Variants in PRMT5 observed in about 807,000 individuals in gnomAD.
The protein encoded by PRMT5 is protein arginine methyltransferase 5, also known as protein arginine N-methyltransferase 5.
A neutral mutation model predicts 84.0 loss-of-function variants in PRMT5; 15 were observed. The observed-to-expected ratio is 0.18, with a 90% CI of 0.12 to 0.28. PRMT5 has a LOEUF of 0.28. PRMT5 is among the 10% of genes least tolerant of loss of function. PRMT5 has a pLI of 1.00. For synonymous variants in PRMT5, 276 were observed against 292.4 expected (o/e 0.94, Z 0.57); for missense variants, 486 against 808.0 (o/e 0.60, Z 4.83).
At position 22,928,395 on chromosome 14, in the gene PRMT5, A is replaced by G; in HGVS notation, c.229+102T>C. 1.7e-6 allele frequency: 2 copies of G among 1,195,808 alleles called. No individual in the cohort carries two copies. The highest frequency in any genetic ancestry group is 1.2e-6 in the Non-Finnish European group (1 of 807,066). The allele number at this position is 1,195,808 out of a possible 1,614,324, so 74.1% of individuals were successfully genotyped here. A position where few individuals can be genotyped will look rare whatever the true frequency, so the allele number is the denominator to read the frequency against. On this transcript the variant is annotated intron_variant, in intron 2 of 16. Transcript: ENST00000324366. The surrounding 1 kb of genome is among the most constrained non-coding windows in gnomAD (Gnocchi z 4.8). ...ACAAGTTATCTATATCCCAGGGACT[A>G]ACAAATATATCCAAGTCAGAAAAGG...
chr14:22,922,490 C>G lies in PRMT5; in HGVS notation c.1649G>C (p.Gly550Ala), dbSNP rs764271434. 1 of 1,614,140 alleles carries G rather than the reference C, an allele frequency of 6.2e-7. No individual in the cohort carries two copies. The highest frequency in any genetic ancestry group is 1.7e-5 in the Admixed American group (1 of 60,020). ...CACAGTCTCAAAGTAGCCGGCAAAGCCATGTAGTACTGTGTTCACCTCCAC... is the reference window on the plus strand; with the variant it reads ...CACAGTCTCAAAGTAGCCGGCAAAGGCATGTAGTACTGTGTTCACCTCCAC... ...FPVEVNTVLH[G>A]FAGYFETVLY... The change falls in exon 15 of 17, where the codon GGC becomes GCC. Residue 550 changes from glycine (G) to alanine (A), a missense_variant. Transcript: ENST00000324366.
Position 22,928,283 on chromosome 14 carries a change from T to G in PRMT5, c.230-72A>C, listed in dbSNP as rs1031408216. The G allele has an allele frequency of 6.5e-7, 1 of 1,534,334 alleles. No homozygotes were observed. The highest frequency in any genetic ancestry group is 1.7e-5 in the Admixed American group (1 of 58,098). ...ACTTTACTTGTTCAATTTTTAGTTTTGGGAATCAAGAGTAGAAATGAGAGA... is the reference window on the plus strand; with the variant it reads ...ACTTTACTTGTTCAATTTTTAGTTTGGGGAATCAAGAGTAGAAATGAGAGA... On this transcript the variant is annotated intron_variant, in intron 2 of 16. Transcript: ENST00000324366. This position sits in a 1 kb window ranked among gnomAD's most constrained non-coding sequence, Gnocchi z 4.8.
At chr14:22,921,711 C>T (rs576120197) in intron 16 of PRMT5, among the ~76,000 whole-genome samples, 4 of 151,974 alleles carry the variant, frequency 2.6e-5, no homozygotes, top group African/African-American at 4.8e-5. Context: ...GGTAAAACCC[C>T]GTCTCTACTA....
In PRMT5 at chr14:22,929,331, C is replaced by A; in HGVS notation, c.31G>T (p.Gly11Trp). ...TCCCTCCCGCTGGACACGCGGCTCCCACCAGCACCCCCGACCGCCATCGCC... is the reference window on the plus strand; with the variant it reads ...TCCCTCCCGCTGGACACGCGGCTCCAACCAGCACCCCCGACCGCCATCGCC... MAAMAVGGAG[G>W]SRVSSGRDLN... is the part of the protein sequence containing the mutation. Residue 11 changes from glycine to tryptophan, a missense_variant, in exon 1 of 17, where the codon GGG becomes TGG. Gly to Trp is a radical substitution (Grantham distance 184). Around this residue, in one of 4 missense-constraint regions of PRMT5, gnomAD observed 51 missense variants for 53.8 expected, o/e 0.95. Transcript: ENST00000324366. The A allele has an allele frequency of 6.2e-7, 1 of 1,611,740 alleles. No individual in the cohort carries two copies.
In PRMT5 at chr14:22,926,802, C is replaced by T; in HGVS notation, c.463G>A (p.Val155Ile). ...GHHSSMFWMR[V>I]PLVAPEDLRD... is the part of the protein sequence containing the mutation. ...AGGTCCTCTGGTGCCACCAAGGGTA[C>T]CCGCATCCAGAACTGCACATGAACA... Residue 155 changes from valine (V) to isoleucine (I), a missense_variant, in exon 5 of 17, where the codon GTA becomes ATA. This residue lies in a region of PRMT5 where 215 missense variants were observed against 301.1 expected (regional missense o/e 0.71). Transcript: ENST00000324366. 1 of 1,613,170 alleles carries T rather than the reference C, an allele frequency of 6.2e-7. No individual in the cohort carries two copies. The highest frequency in any genetic ancestry group is 8.5e-7 in the Non-Finnish European group (1 of 1,179,136).
chr14:22,926,369 C>A, intron 6 of PRMT5, 73 bp from the exon 7 acceptor site: 3 of 1,596,090 alleles, frequency 1.9e-6, no homozygotes, highest in Non-Finnish European at 2.6e-6. Flanking sequence ...TGCGCAAAAT[C>A]TGTTTACTTC....
At chr14:22,925,141 C>T (rs2044388802) in intron 7 of PRMT5, 101 bp from the exon 8 acceptor site, 3 of 1,141,294 alleles carry the variant, frequency 2.6e-6, no homozygotes, top group East Asian at 5.1e-5. Flanking sequence ...AGGCCCAGAT[C>T]AACAGTTCTC....
rs377749833 is a variant in PRMT5, at chr14:22,924,070, C to T, written c.1313G>A (p.Gly438Asp). 1 of 1,612,130 alleles carries T rather than the reference C, an allele frequency of 6.2e-7. No homozygotes were observed. The highest frequency in any genetic ancestry group is 8.5e-7 in the Non-Finnish European group (1 of 1,179,074). Residue 438 changes from glycine to aspartate, a missense_variant, in exon 12 of 17, where the codon GGC (glycine) becomes GAC (aspartate). Coordinates refer to ENST00000324366, the MANE Select transcript of PRMT5 (RefSeq NM_006109.5). This position sits in a 1 kb window ranked among gnomAD's most constrained non-coding sequence, Gnocchi z 6.5. ...KADIIVSELL[G>D]SFADNELSPE... ...CGACAATTCATTGTCAGCAAATGAG[C>T]CCAGAAGCTCACTGACAATGATGTC...
In PRMT5 at chr14:22,922,234, C is replaced by T. The variant is rs2044316019; in HGVS notation, c.1703G>A (p.Arg568His). Residue 568 changes from arginine to histidine, a missense_variant, in exon 16 of 17, where the codon CGT (arginine) becomes CAT (histidine). Physicochemically the swap from Arg to His is conservative, Grantham distance 29. Around this residue, in one of 4 missense-constraint regions of PRMT5, gnomAD observed 219 missense variants for 433.6 expected, o/e 0.51. Transcript: ENST00000324366. ...CATCCCAGGAGAGTGAGTCTCTGGA[C>T]GGATACCTGTGTGGACAAAATAATG... ...VLYQDITLSI[R>H]PETHSPGMFS... The T allele has an allele frequency of 3.8e-6, 6 of 1,596,372 alleles. No homozygotes were observed. Among genetic ancestry groups the T allele is most frequent in the Non-Finnish European group, 4.3e-6 (5 of 1,163,860 alleles).
chr14:22,928,459 G>T lies in PRMT5; in HGVS notation c.229+38C>A. 2.7e-6 allele frequency: 4 copies of T among 1,503,504 alleles called. No homozygotes were observed. The highest frequency in any genetic ancestry group is 3.7e-6 in the Non-Finnish European group (4 of 1,079,776). The allele number at this position is 1,503,504 out of a possible 1,614,324, so 93.1% of individuals were successfully genotyped here. A position where few individuals can be genotyped will look rare whatever the true frequency, so the allele number is the denominator to read the frequency against. The stretch of plus-strand genomic sequence containing the variant: ...CCCCGATAAAGCAGAAGTTGTTATT[G>T]CCTCTAATAATTAAGGGGCATATGG... On this transcript the variant is annotated intron_variant, in intron 2 of 16. Transcript: ENST00000324366. This position sits in a 1 kb window ranked among gnomAD's most constrained non-coding sequence, Gnocchi z 4.8.
chr14:22,923,974 A>C lies in PRMT5; in HGVS notation c.1375+34T>G. 6.6e-7 allele frequency: 1 copy of C among 1,525,000 alleles called. No homozygotes were observed. Among genetic ancestry groups the C allele is most frequent in the Non-Finnish European group, 8.8e-7 (1 of 1,139,590 alleles). The allele number at this position is 1,525,000 out of a possible 1,614,324, so 94.5% of individuals were successfully genotyped here. A position where few individuals can be genotyped will look rare whatever the true frequency, so the allele number is the denominator to read the frequency against. ...CTCCCAGGTTGCTGTCTCACCCATC[A>C]TCACCCTCCACCTACACCCCAACCT... is the stretch of plus-strand genomic sequence containing the variant. On this transcript the variant is annotated intron_variant, in intron 12 of 16. Coordinates refer to ENST00000324366, the MANE Select transcript of PRMT5 (RefSeq NM_006109.5). This position sits in a 1 kb window ranked among gnomAD's most constrained non-coding sequence, Gnocchi z 5.2.
chr14:22,929,109 C>T (rs2044490870), intron 1 of PRMT5, 143 bp downstream of exon 1: 2 of 1,600,686 alleles, frequency 1.2e-6, no homozygotes, highest in South Asian at 2.2e-5. Context: ...GGGTCCGAGG[C>T]TCCTCCCCTC....
rs2044344400 is a variant in PRMT5, at chr14:22,923,231, G to A, written c.1376-71C>T. 8.2e-7 allele frequency: 1 copy of A among 1,222,220 alleles called. No homozygotes were observed. Among genetic ancestry groups the A allele is most frequent in the Admixed American group, 2.6e-5 (1 of 38,098 alleles). 75.7% of individuals were successfully genotyped at this position (1,222,220 alleles called of 1,614,324 possible). ...TATGTCTGTACTAACTGAAGGATCA[G>A]AAGGATCAAACCTCCCATGTCAAAA... On this transcript the variant is annotated intron_variant, in intron 12 of 16. Transcript: ENST00000324366. The surrounding 1 kb of genome is among the most constrained non-coding windows in gnomAD (Gnocchi z 5.2).
chr14:22,920,648 C>A lies in PRMT5; in HGVS notation c.*256G>T. The A allele has an allele frequency of 1.5e-6, 1 of 687,458 alleles. No homozygotes were observed. The highest frequency in any genetic ancestry group is 2.7e-6 in the Non-Finnish European group (1 of 367,348). The allele number at this position is 687,458 out of a possible 1,614,324, so 42.6% of individuals were successfully genotyped here. A position where few individuals can be genotyped will look rare whatever the true frequency, so the allele number is the denominator to read the frequency against. ...GTTCTCAGGGATATTCCAGGGAGTT[C>A]TTGAGGCTGAGTGCGTAGCTTCAAA... On this transcript the variant is annotated 3_prime_UTR_variant, in exon 17 of 17. Transcript: ENST00000324366.
Position 22,926,822 on chromosome 14 carries a change from T to TG in PRMT5, c.451-9dup. ...GGGTACCCGCATCCAGAACTGCACA[T>TG]GAACAGTCACCCTTTTAGAACTCTC... On this transcript the variant is annotated splice_polypyrimidine_tract_variant and intron_variant, in intron 4 of 16. Coordinates refer to ENST00000324366, the MANE Select transcript of PRMT5 (RefSeq NM_006109.5). 6.3e-7 allele frequency: 1 copy of TG among 1,592,324 alleles called. No individual in the cohort carries two copies. Among genetic ancestry groups the TG allele is most frequent in the Non-Finnish European group, 8.6e-7 (1 of 1,160,154 alleles).
Position 22,923,061 on chromosome 14 carries a change from C to T in PRMT5, c.1475G>A (p.Arg492His), listed in dbSNP as rs536745849. The change falls in exon 13 of 17, where the codon CGT becomes CAT. Residue 492 changes from arginine (R) to histidine (H), a missense_variant. Around this residue, in one of 4 missense-constraint regions of PRMT5, gnomAD observed 219 missense variants for 433.6 expected, o/e 0.51. Transcript: ENST00000324366. This position sits in a 1 kb window ranked among gnomAD's most constrained non-coding sequence, Gnocchi z 5.2. ...AGAGTGGTTCTTTACCTCAGGGTCA[C>T]GGTCCTTCTCCCTACAGGCTCGGAC... ...NEVRACREKD[R>H]DPEAQFEMPY... The T allele has an allele frequency of 1.1e-5, 17 of 1,609,516 alleles. No homozygotes were observed. In the Admixed American group the frequency reaches 1.9e-4, roughly 18 times the overall value.
At chr14:22,921,613 G>C (rs747701956) in intron 16 of PRMT5, among the ~76,000 whole-genome samples, 6 of 152,122 alleles carry the variant, frequency 3.9e-5, no homozygotes, top group Non-Finnish European at 8.8e-5. Flanking sequence ...GGCCAGGCGC[G>C]GTGGCTCACG....
chr14:22,929,372 G>A lies in PRMT5; in HGVS notation c.-11C>T, dbSNP rs1324766122. On this transcript the variant is annotated 5_prime_UTR_variant, in exon 1 of 17. Transcript: ENST00000324366. ...CGCCATCGCCGCCATCTTTCTCCTC[G>A]CGCTGTCCACGCCGGGATTCCTTGA... The A allele has an allele frequency of 4.4e-6, 7 of 1,602,722 alleles. No individual in the cohort carries two copies. The highest frequency in any genetic ancestry group is 5.9e-6 in the Non-Finnish European group (7 of 1,176,542).
Position 22,925,098 on chromosome 14 carries a change from T to C in PRMT5, c.778-58A>G, listed in dbSNP as rs138130072. Reference sequence around the variant, plus strand: ...CTCAAACCAAGATTCTGGAATATTATGGTATATGGCCAAAGAGCCCTAGTG... The same window carrying C: ...CTCAAACCAAGATTCTGGAATATTACGGTATATGGCCAAAGAGCCCTAGTG... On this transcript the variant is annotated intron_variant, in intron 7 of 16. Coordinates refer to ENST00000324366, the MANE Select transcript of PRMT5 (RefSeq NM_006109.5). The C allele has an allele frequency of 2.5e-4, 393 of 1,581,484 alleles. 2 individuals are homozygous for C. The African/African-American group carries it at 4.5e-3, about 18-fold the overall frequency.
Sources: gnomAD v4.1 joint callset for allele counts (sites outside exome capture counted in the v4.1 genomes callset) on GRCh38, gnomAD v4.1.1 for gene constraint, gnomAD v4.1.1 regional missense constraint, Gnocchi (gnomAD v3.1) non-coding constraint, MANE v1.5 for transcripts, NCBI Gene and HGNC (gene_info 2026-07-23, HGNC 2026-07-21) for gene names.